Variants in ZBTB46 observed in about 807,000 individuals in gnomAD.
The protein encoded by ZBTB46 is zinc finger and BTB domain-containing protein 46.
Under a neutral mutation model 44.1 loss-of-function variants are expected in ZBTB46, and 8 were observed. The ratio of observed to expected loss-of-function variants is 0.18; its 90% CI spans 0.11 to 0.33. The LOEUF is 0.33. ZBTB46 is among the 10% of genes least tolerant of loss of function. The pLI is 1.00. For missense variants in ZBTB46, 651 were observed against 847.7 expected, an observed-to-expected ratio of 0.77 and a Z score of 2.88; for synonymous variants, 409 against 382.3, an observed-to-expected ratio of 1.07 and a Z score of -0.81.
chr20:63,780,100 G>A (rs1008986732), intron 2 of ZBTB46, among the ~76,000 whole-genome samples: 30 of 151,758 alleles, frequency 2.0e-4, no homozygotes, highest in Admixed American at 2.0e-4. Context: ...GTGAAACCCC[G>A]TCTCTACTAA....
rs529832558 is a variant in ZBTB46, at chr20:63,747,185, A to G, written c.1515T>C (p.Ala505=). The G allele has an allele frequency of 5.0e-6, 8 of 1,608,594 alleles. No individual in the cohort carries two copies. In the South Asian group the frequency reaches 6.6e-5, roughly 13 times the overall value. The change falls in exon 5 of 5, where the codon GCT becomes GCC. Residue 505 remains alanine, a synonymous_variant. Coordinates refer to ENST00000245663, the MANE Select transcript of ZBTB46 (RefSeq NM_001369741.1). ...CCAGGGGCCCGGCCATGCCGCGGCC[A>G]GCACAGTCGGTGCACACACCGTGGC... ...SRRHGVCTDC[A]GRGMAGPLDH... is the part of the protein sequence containing the mutation.
chr20:63,815,447 G>A (rs2092744394), intron 1 of ZBTB46, among the ~76,000 whole-genome samples: 1 of 147,236 alleles, frequency 6.8e-6, no homozygotes, highest in African/African-American at 2.5e-5. Flanking sequence ...GTGCAGGTGA[G>A]CACAGGTGCA....
chr20:63,819,146 C>G (rs2092777181), intron 1 of ZBTB46, among the ~76,000 whole-genome samples: 1 of 152,186 alleles, frequency 6.6e-6, no homozygotes, highest in Non-Finnish European at 1.5e-5. Context: ...GCACTCCAGC[C>G]TGGGCGACAG....
intron 1 of ZBTB46, among the ~76,000 whole-genome samples, chr20:63,813,936 G>GA (rs1458372675): frequency 6.6e-6 from 1 of 152,046 alleles, no homozygotes; most frequent in African/African-American, 2.4e-5. Context: ...ACACTTGAGA[G>GA]AAAAAACAGT....
intron 1 of ZBTB46, among the ~76,000 whole-genome samples, chr20:63,816,863 G>C (rs1413854703): frequency 2.0e-5 from 3 of 152,170 alleles, no homozygotes; most frequent in Non-Finnish European, 4.4e-5. Flanking sequence ...CCAGCACTTT[G>C]GAAGGCTGAG....
Position 63,752,554 on chromosome 20 carries a change from C to T in ZBTB46, c.1398+132G>A, listed in dbSNP as rs1330962980. 1 of 1,153,804 alleles carries T rather than the reference C, an allele frequency of 8.7e-7. No homozygotes were observed. The highest frequency in any genetic ancestry group is 1.1e-6 in the Non-Finnish European group (1 of 877,348). The allele number at this position is 1,153,804 out of a possible 1,614,324, so 71.5% of individuals were successfully genotyped here. Reference sequence around the variant, plus strand: ...GGGGCCCGGGGCGGATCTCCCTGCCCTGCTGTCGTCCCCCCTGTGCAGAGT... The same window carrying T: ...GGGGCCCGGGGCGGATCTCCCTGCCTTGCTGTCGTCCCCCCTGTGCAGAGT... On this transcript the variant is annotated intron_variant, in intron 4 of 4. Coordinates refer to ENST00000245663, the MANE Select transcript of ZBTB46 (RefSeq NM_001369741.1). The surrounding 1 kb of genome is among the most constrained non-coding windows in gnomAD (Gnocchi z 5.6).
At chr20:63,810,845 G>A (rs890929323) in intron 1 of ZBTB46, among the ~76,000 whole-genome samples, 1 of 152,250 alleles carries the variant, frequency 6.6e-6, no homozygotes, top group Non-Finnish European at 1.5e-5. Context: ...CAGCACCCAG[G>A]AGGTGAACAG....
intron 3 of ZBTB46, among the ~76,000 whole-genome samples, chr20:63,754,024 G>C (rs953123240): frequency 6.6e-6 from 1 of 152,164 alleles, no homozygotes; most frequent in African/African-American, 2.4e-5. Context: ...CCATGACAAG[G>C]ATCTCCCAAA....
intron 4 of ZBTB46, among the ~76,000 whole-genome samples, chr20:63,748,578 G>GAGGGC (rs2145751179): frequency 6.6e-6 from 1 of 152,300 alleles, no homozygotes. Context: ...CAAGGACCGA[G>GAGGGC]AGGGCAGGAC....
At chr20:63,759,584 G>A (rs2092255774) in intron 3 of ZBTB46, among the ~76,000 whole-genome samples, 2 of 152,068 alleles carry the variant, frequency 1.3e-5, no homozygotes, top group African/African-American at 4.8e-5. Context: ...AGGGAGGAGG[G>A]GGGCAAGGGA....
At chr20:63,771,762 C>T (rs1459389582) in intron 3 of ZBTB46, among the ~76,000 whole-genome samples, 1 of 152,228 alleles carries the variant, frequency 6.6e-6, no homozygotes, top group Non-Finnish European at 1.5e-5. Context: ...GGGAGGACCA[C>T]AGAACTTTGG....
chr20:63,746,942 G>C lies in ZBTB46; in HGVS notation c.1758C>G (p.Ala586=), dbSNP rs1175802510. ...SPPGGPDKDF[A]WLS The stretch of plus-strand genomic sequence containing the variant: ...CCGGCGGGCGGGCCTAGGAGAGCCA[G>C]GCGAAGTCCTTGTCAGGGCCTCCTG... The change falls in exon 5 of 5, where the codon GCC becomes GCG. Residue 586 remains alanine, a synonymous_variant. Transcript: ENST00000245663. 1.9e-6 allele frequency: 3 copies of C among 1,561,592 alleles called. No homozygotes were observed. The African/African-American group carries it at 4.1e-5, about 21-fold the overall frequency.
intron 1 of ZBTB46, among the ~76,000 whole-genome samples, chr20:63,794,100 A>G (rs1446682944): frequency 6.6e-6 from 1 of 151,636 alleles, no homozygotes. Context: ...GCAGGAGAAT[A>G]GCGTGAACCC....
chr20:63,753,157 C>A (rs1042696513), intron 3 of ZBTB46, among the ~76,000 whole-genome samples: 2 of 152,210 alleles, frequency 1.3e-5, no homozygotes, highest in Non-Finnish European at 2.9e-5. Context: ...GGGGTAAGAA[C>A]GGCCAATGCT....
chr20:63,807,444 G>C (rs568215395), intron 1 of ZBTB46, among the ~76,000 whole-genome samples: 2 of 152,176 alleles, frequency 1.3e-5, no homozygotes, highest in African/African-American at 4.8e-5. Context: ...TCCCGAGTTC[G>C]AGTGATTCTC....
chr20:63,788,320 G>C (rs1194262866), intron 2 of ZBTB46: 1 of 152,258 alleles, frequency 6.6e-6, no homozygotes, highest in East Asian at 1.9e-4. Context: ...CTGGGGAAAA[G>C]AGCAGAGGCC....
chr20:63,793,943 T>C (rs2092581231), intron 1 of ZBTB46, among the ~76,000 whole-genome samples: 1 of 152,186 alleles, frequency 6.6e-6, no homozygotes, highest in Non-Finnish European at 1.5e-5. Context: ...TCCCAGCACT[T>C]TGGGAGGCCG....
rs578093493 is a variant in ZBTB46, at chr20:63,767,086, G to A, written c.1222+8592C>T. On this transcript the variant is annotated intron_variant, in intron 3 of 4. Coordinates refer to ENST00000245663, the MANE Select transcript of ZBTB46 (RefSeq NM_001369741.1). This position sits in a 1 kb window ranked among gnomAD's most constrained non-coding sequence, Gnocchi z 5.0. ...CGACGAGGACGGGCAAGGGCACCGC[G>A]GGGCGCTCTTTCTGAAAAGCAGCAC... Among the ~76,000 whole-genome samples the A allele has an allele frequency of 1.3e-5, 2 of 152,350 alleles. No homozygotes were observed. Among genetic ancestry groups the A allele is most frequent in the South Asian group, 2.1e-4 (1 of 4,832 alleles).
chr20:63,794,104 T>C (rs1055623276), intron 1 of ZBTB46, among the ~76,000 whole-genome samples: 9 of 150,214 alleles, frequency 6.0e-5, no homozygotes, highest in Non-Finnish European at 1.2e-4. Context: ...GAGAATAGCG[T>C]GAACCCGGGA....
Sources: allele counts gnomAD v4.1 joint callset (sites outside exome capture counted in the v4.1 genomes callset), GRCh38; gene constraint gnomAD v4.1.1; non-coding constraint Gnocchi (gnomAD v3.1); transcripts MANE v1.5; gene names NCBI Gene and HGNC (gene_info 2026-07-23, HGNC 2026-07-21).